Variants in CACNA1E observed in about 807,000 individuals in gnomAD.
The protein encoded by CACNA1E is calcium voltage-gated channel subunit alpha1 E, also known as voltage-dependent R-type calcium channel subunit alpha-1E.
CACNA1E carries 40 observed loss-of-function variants against 259.2 expected under a neutral mutation model. That is an observed-to-expected ratio of 0.15 (90% CI 0.12 to 0.20). CACNA1E has a LOEUF of 0.20. Ranked by LOEUF, CACNA1E falls within the 10% of genes least tolerant of loss-of-function variation. CACNA1E has a pLI of 1.00. For missense variants in CACNA1E, 1,874 were observed against 3,040.1 expected, an observed-to-expected ratio of 0.62 and a Z score of 9.02; for synonymous variants, 1,104 against 1,138.5, an observed-to-expected ratio of 0.97 and a Z score of 0.61.
chr1:181,510,230 A>G (rs1666050918), intron 1 of CACNA1E, among the ~76,000 whole-genome samples: 1 of 152,154 alleles, frequency 6.6e-6, no homozygotes, highest in African/African-American at 2.4e-5. Context: ...TATTGGCTAT[A>G]TACGTTCCTT....
At chr1:181,795,130 C>A in intron 46 of CACNA1E, 86 bp downstream of exon 46, 1 of 1,139,620 alleles carries the variant, frequency 8.8e-7, no homozygotes, top group Non-Finnish European at 1.2e-6. Context: ...TGTAGATAAC[C>A]AGAAAAGAAT....
At chr1:181,461,635 ACT>A (rs974619345) in intron 2 of CACNA1E, among the ~76,000 whole-genome samples, 3 of 151,832 alleles carry the variant, frequency 2.0e-5, no homozygotes, top group African/African-American at 7.3e-5. Flanking sequence ...CTGCAATCAA[ACT>A]CTGGGGCATT....
At chr1:181,792,947 A>G (rs997078014) in intron 44 of CACNA1E, among the ~76,000 whole-genome samples, 12 of 152,064 alleles carry the variant, frequency 7.9e-5, no homozygotes, top group South Asian at 2.1e-4. Flanking sequence ...GGCTAGTCCA[A>G]ATAAAATATA....
chr1:181,546,966 G>A (rs992245461), intron 3 of CACNA1E, among the ~76,000 whole-genome samples: 1 of 152,030 alleles, frequency 6.6e-6, no homozygotes, highest in Non-Finnish European at 1.5e-5. Flanking sequence ...TCGTCCTCCT[G>A]GCCACCAGCC....
chr1:181,425,055 G>T (rs766451676), intron 2 of CACNA1E, among the ~76,000 whole-genome samples: 1 of 152,170 alleles, frequency 6.6e-6, no homozygotes, highest in African/African-American at 2.4e-5. Context: ...GCCCTCTAGC[G>T]CCAGCTGCTC....
rs554497215 is a variant in CACNA1E at position 181,692,366 on chromosome 1, CA to C, written c.1056-18585del. On this transcript the variant is annotated intron_variant, in intron 7 of 47. Coordinates refer to ENST00000367573, the MANE Select transcript of CACNA1E (RefSeq NM_001205293.3). ...CCAAAGCAATCCTAAGTAGCAGGAA[CA>C]AAGCCAGTGACATCACACTACCTGA... Among the ~76,000 whole-genome samples, 14 of 152,284 alleles carry C rather than the reference CA, an allele frequency of 9.2e-5. No homozygotes were observed. In the East Asian group the frequency reaches 2.5e-3, roughly 27 times the overall value.
intron 1 of CACNA1E, among the ~76,000 whole-genome samples, chr1:181,406,707 A>C (rs181476091): frequency 1.3e-5 from 2 of 152,108 alleles, no homozygotes; most frequent in Non-Finnish European, 2.9e-5. Flanking sequence ...AAAATGATGT[A>C]TGATCATTTT....
rs575344150 is a variant in CACNA1E, at chr1:181,331,778, C to A, written c.-15+13655C>A. On this transcript the variant is annotated intron_variant, in intron 1 of 11. Coordinates refer to the CACNA1E transcript ENST00000524607. ...CATTCAAACCATTAAGATAATGAAA[C>A]AGTTTCAGTTTTCTGCATGTGGCTA... 4.6e-5 allele frequency among the ~76,000 whole-genome samples: 7 copies of A among 152,244 alleles called. No homozygotes were observed. The East Asian group carries it at 1.4e-3, about 29-fold the overall frequency.
intron 6 of CACNA1E, among the ~76,000 whole-genome samples, chr1:181,598,704 C>T (rs1653442759): frequency 6.6e-6 from 1 of 152,144 alleles, no homozygotes; most frequent in African/African-American, 2.4e-5. Context: ...GTTCAGTGCC[C>T]CCAGGGCTCA....
At chr1:181,370,358 G>A (rs1439006674) in intron 1 of CACNA1E, among the ~76,000 whole-genome samples, 1 of 151,316 alleles carries the variant, frequency 6.6e-6, no homozygotes, top group Admixed American at 6.6e-5. Flanking sequence ...TGTCACTGGG[G>A]TTTGGTGTAC....
chr1:181,647,702 T>C (rs1274317169), intron 6 of CACNA1E, among the ~76,000 whole-genome samples: 1 of 152,178 alleles, frequency 6.6e-6, no homozygotes, highest in Non-Finnish European at 1.5e-5. Context: ...AGAAGGAGAT[T>C]GAAGCCCCAA....
At chr1:181,787,268 C>T (rs992815860) in intron 43 of CACNA1E, among the ~76,000 whole-genome samples, 9 of 152,036 alleles carry the variant, frequency 5.9e-5, no homozygotes, top group Admixed American at 3.9e-4. Context: ...TACAGGCACC[C>T]GCCACTATGC....
intron 1 of CACNA1E, among the ~76,000 whole-genome samples, chr1:181,407,857 C>G (rs1301138036): frequency 6.6e-6 from 1 of 152,176 alleles, no homozygotes; most frequent in Non-Finnish European, 1.5e-5. Flanking sequence ...TTAGAATTAA[C>G]TCAACACGAT....
At chr1:181,394,459 A>G (rs1250459882) in intron 1 of CACNA1E, among the ~76,000 whole-genome samples, 1 of 152,236 alleles carries the variant, frequency 6.6e-6, no homozygotes, top group African/African-American at 2.4e-5. Flanking sequence ...ACATGCCAAA[A>G]ATCCTTAAGG....
In CACNA1E at chr1:181,717,170, C is replaced by T; in HGVS notation, c.1393C>T (p.Leu465=). ...TTATTTCCGGCACAAGGAAAGGCTT[C>T]TGCGCATCTCCATTCGCCACATGGT... ...VSYFRHKERL[L]RISIRHMVKS... The change falls in exon 11 of 48, where the codon CTG becomes TTG. Residue 465 remains leucine (L), a synonymous_variant. Transcript: ENST00000367573. The T allele has an allele frequency of 6.2e-7, 1 of 1,614,042 alleles. No homozygotes were observed.
At chr1:181,386,909 G>C (rs994832516) in intron 1 of CACNA1E, among the ~76,000 whole-genome samples, 1 of 152,172 alleles carries the variant, frequency 6.6e-6, no homozygotes, top group Non-Finnish European at 1.5e-5. Flanking sequence ...GCTTTGAGTG[G>C]GGACCGCTCT....
intron 8 of CACNA1E, among the ~76,000 whole-genome samples, chr1:181,713,722 C>T (rs1653619954): frequency 6.6e-6 from 1 of 152,124 alleles, no homozygotes; most frequent in Non-Finnish European, 1.5e-5. Context: ...GCCTCTGGCT[C>T]CCTGGCCTAT....
intron 3 of CACNA1E, among the ~76,000 whole-genome samples, chr1:181,522,527 G>T (rs1667066788): frequency 6.6e-6 from 1 of 152,104 alleles, no homozygotes; most frequent in Non-Finnish European, 1.5e-5. Flanking sequence ...CTTGTTTATG[G>T]GATGTTTCTC....
intron 6 of CACNA1E, among the ~76,000 whole-genome samples, chr1:181,639,082 G>A (rs1162673990): frequency 6.6e-6 from 1 of 151,896 alleles, no homozygotes; most frequent in African/African-American, 2.4e-5. Context: ...GCTTAGAGTA[G>A]AGTAGATGCC....
Sources: allele counts gnomAD v4.1 joint callset (sites outside exome capture counted in the v4.1 genomes callset), GRCh38; gene constraint gnomAD v4.1.1; transcripts MANE v1.5; gene names NCBI Gene and HGNC (gene_info 2026-07-23, HGNC 2026-07-21).